ELP1: variants seen among roughly 807,000 people sequenced by gnomAD.
The protein encoded by ELP1 is elongator complex protein 1.
Under a neutral mutation model 183.2 loss-of-function variants are expected in ELP1, and 131 were observed. That is an observed-to-expected ratio of 0.72 (90% CI 0.62 to 0.83). The LOEUF is 0.83. Ranked by LOEUF, ELP1 falls within the 40% of genes least tolerant of loss-of-function variation. ELP1 has a pLI of 0.00. For missense variants in ELP1, 1,550 were observed against 1,594.9 expected, an observed-to-expected ratio of 0.97 and a Z score of 0.48; for synonymous variants, 555 against 569.0, an observed-to-expected ratio of 0.98 and a Z score of 0.35.
chr9:108,911,750 A>C, intron 11 of ELP1, among the ~76,000 whole-genome samples: 1 of 151,298 alleles, frequency 6.6e-6, no homozygotes, highest in African/African-American at 2.4e-5. Flanking sequence ...TGCCCTTCCC[A>C]CCCCACCCCC....
intron 4 of ELP1, among the ~76,000 whole-genome samples, chr9:108,927,056 C>T (rs937951508): frequency 6.6e-6 from 1 of 152,158 alleles, no homozygotes; most frequent in Non-Finnish European, 1.5e-5. Context: ...ATTTTTAACT[C>T]TAACTGGGGA....
chr9:108,870,196 G>A (rs1827396713), intron 36 of ELP1, among the ~76,000 whole-genome samples: 1 of 151,936 alleles, frequency 6.6e-6, no homozygotes, highest in Non-Finnish European at 1.5e-5. Context: ...CAAAACTCCT[G>A]GTCTCGTTCC....
intron 5 of ELP1, among the ~76,000 whole-genome samples, chr9:108,923,819 C>G (rs1029384512): frequency 6.6e-6 from 1 of 152,242 alleles, no homozygotes; most frequent in African/African-American, 2.4e-5. Flanking sequence ...CACAACCCTT[C>G]TGTTCCTGGA....
At chr9:108,930,869 A>T (rs1829980887) in intron 2 of ELP1, 128 bp downstream of exon 2, 5 of 890,384 alleles carry the variant, frequency 5.6e-6, no homozygotes, top group Non-Finnish European at 7.3e-6. Flanking sequence ...TATATGAAGC[A>T]AAAGATGTTT....
rs1183682294 is a variant in ELP1, at chr9:108,871,078, C to G, written c.3932-1896G>C. Among the ~76,000 whole-genome samples the G allele has an allele frequency of 7.9e-5, 11 of 138,478 alleles. No homozygotes were observed. The Admixed American group carries it at 9.0e-4, about 11-fold the overall frequency. 90.8% of individuals were successfully genotyped at this position (138,478 alleles called of 152,430 possible). On this transcript the variant is annotated intron_variant, in intron 36 of 36. Coordinates refer to ENST00000374647, the MANE Select transcript of ELP1 (RefSeq NM_003640.5). ...GTCATGCACATCTGGACACAGTTTT[C>G]TCTAGCAGGAATTTATTGTCCTGGG...
intron 6 of ELP1, 85 bp from the exon 7 acceptor site, chr9:108,919,434 GTTTT>G: frequency 1.1e-6 from 1 of 897,972 alleles, no homozygotes; most frequent in Non-Finnish European, 1.8e-6. Context: ...AGATACAGAT[GTTTT>G]TTAAGAGGTT....
chr9:108,894,042 G>T lies in ELP1; in HGVS notation c.2761C>A (p.Leu921Ile). 1.3e-6 allele frequency: 2 copies of T among 1,523,542 alleles called. No homozygotes were observed. Among genetic ancestry groups the T allele is most frequent in the Admixed American group, 3.4e-5 (2 of 59,682 alleles). 94.4% of individuals were successfully genotyped at this position (1,523,542 alleles called of 1,614,324 possible). A position where few individuals can be genotyped will look rare whatever the true frequency, so the allele number is the denominator to read the frequency against. The change falls in exon 26 of 37, where the codon CTT becomes ATT. Residue 921 changes from leucine to isoleucine, a missense_variant. Physicochemically the swap from Leu to Ile is conservative, Grantham distance 5 (BLOSUM62 2). Transcript: ENST00000374647. ...GTTTCCATTTTCTTAAGTGTATTAA[G>T]AAATGGAAGATATTCTTTGGGATCC... ...QKDPKEYLPFLNTLKKMETNY... is the reference protein window; with the variant it reads ...QKDPKEYLPFINTLKKMETNY...
At chr9:108,923,421 T>C (rs1005807915) in intron 5 of ELP1, among the ~76,000 whole-genome samples, 12 of 152,156 alleles carry the variant, frequency 7.9e-5, no homozygotes, top group African/African-American at 2.4e-4. Flanking sequence ...AGCAGTGACT[T>C]TGAAGAATTT....
intron 29 of ELP1, among the ~76,000 whole-genome samples, 168 bp downstream of exon 29, chr9:108,889,164 T>C (rs1304141489): frequency 6.6e-6 from 1 of 152,234 alleles, no homozygotes; most frequent in Non-Finnish European, 1.5e-5. Flanking sequence ...AGAGATGTAC[T>C]AAATTTAGAT....
At chr9:108,889,642 G>T (rs1828249139) in intron 28 of ELP1, 1 of 555,130 alleles carries the variant, frequency 1.8e-6, no homozygotes. Flanking sequence ...ATGGGAAAAT[G>T]ACCTGGTATC....
rs1198624688 is a variant in ELP1, at chr9:108,879,528, C to T, written c.3490G>A (p.Asp1164Asn). 1 of 1,613,998 alleles carries T rather than the reference C, an allele frequency of 6.2e-7. No homozygotes were observed. Among genetic ancestry groups the T allele is most frequent in the Non-Finnish European group, 8.5e-7 (1 of 1,179,990 alleles). Reference protein sequence around the residue: ...DDEVPHGQESDLFSETSSVVS... With the variant: ...DDEVPHGQESNLFSETSSVVS... ...ACACTGCTAGTTTCAGAGAAGAGGT[C>T]TGACTCTTGCCCGTGGGGTACCTCA... is the stretch of plus-strand genomic sequence containing the variant. Residue 1164 changes from aspartate (D) to asparagine (N), a missense_variant, in exon 33 of 37, where the codon GAC becomes AAC. Coordinates refer to ENST00000374647, the MANE Select transcript of ELP1 (RefSeq NM_003640.5).
chr9:108,871,207 C>G (rs1392549242), intron 36 of ELP1, among the ~76,000 whole-genome samples: 1 of 152,032 alleles, frequency 6.6e-6, no homozygotes. Context: ...ATACATTTGA[C>G]AATCCTTTCT....
At chr9:108,895,658 G>C (rs1828515625) in intron 25 of ELP1, among the ~76,000 whole-genome samples, 1 of 152,214 alleles carries the variant, frequency 6.6e-6, no homozygotes, top group Non-Finnish European at 1.5e-5. Context: ...GGGAGCTCAT[G>C]AAGTATTTTA....
intron 35 of ELP1, among the ~76,000 whole-genome samples, chr9:108,876,819 T>C (rs1162890886): frequency 1.3e-5 from 2 of 151,654 alleles, no homozygotes; most frequent in Non-Finnish European, 2.9e-5. Context: ...ACAACCTCTG[T>C]CTCCCAGGTT....
intron 13 of ELP1, among the ~76,000 whole-genome samples, chr9:108,907,697 T>G (rs916439961): frequency 2.0e-5 from 3 of 152,180 alleles, no homozygotes; most frequent in Non-Finnish European, 4.4e-5. Context: ...CCTCTACACT[T>G]TGTTTTTTTA....
Position 108,929,641 on chromosome 9 carries a change from T to C in ELP1, c.303+128A>G, listed in dbSNP as rs1829932450. ...GTTAACAATTTTTTAAATAAAGAAA[T>C]ATATAATGCAAAAATTAATTAGCAA... On this transcript the variant is annotated intron_variant, in intron 3 of 36. Transcript: ENST00000374647. 5.3e-6 allele frequency: 5 copies of C among 937,304 alleles called. No homozygotes were observed. In the East Asian group the frequency reaches 9.7e-5, roughly 18 times the overall value. 58.1% of individuals were successfully genotyped at this position (937,304 alleles called of 1,614,324 possible). A position where few individuals can be genotyped will look rare whatever the true frequency, so the allele number is the denominator to read the frequency against.
chr9:108,901,751 C>G, intron 16 of ELP1, 70 bp from the exon 17 acceptor site: 1 of 1,381,102 alleles, frequency 7.2e-7, no homozygotes, highest in Non-Finnish European at 1.0e-6. Context: ...TTTTCTATCA[C>G]ATAGTTCTAC....
chr9:108,875,746 AT>A, intron 35 of ELP1: 2 of 424,436 alleles, frequency 4.7e-6, no homozygotes, highest in East Asian at 7.6e-5. Flanking sequence ...CTAGGAAAAA[AT>A]TTTAAAATTA....
At chr9:108,903,802 CATAT>C (rs1828911400) in intron 14 of ELP1, 133 bp from the exon 15 acceptor site, 1 of 673,122 alleles carries the variant, frequency 1.5e-6, no homozygotes, top group South Asian at 1.5e-5. Flanking sequence ...AGACAAAATA[CATAT>C]ATACACACCC....
Sources: gnomAD v4.1 joint callset for allele counts (sites outside exome capture counted in the v4.1 genomes callset) on GRCh38, gnomAD v4.1.1 for gene constraint, MANE v1.5 for transcripts, NCBI Gene and HGNC (gene_info 2026-07-23, HGNC 2026-07-21) for gene names.